Variants in SEMA6D observed in about 807,000 individuals in gnomAD.
SEMA6D encodes semaphorin 6D.
Under a neutral mutation model 106.6 loss-of-function variants are expected in SEMA6D, and 35 were observed. The observed-to-expected ratio is 0.33, with a 90% CI of 0.25 to 0.44. The LOEUF is 0.44. Ranked by LOEUF, SEMA6D falls within the 20% of genes least tolerant of loss-of-function variation. The probability of loss-of-function intolerance (pLI) is 1.00; values close to 1 mark genes in which losing one functional copy is unlikely to be tolerated. For synonymous variants in SEMA6D, 499 were observed against 487.7 expected (o/e 1.02, Z -0.31); for missense variants, 1,185 against 1,345.9 (o/e 0.88, Z 1.87).
Position 47,761,769 on chromosome 15 carries a change from A to C in SEMA6D, c.538+18A>C, listed in dbSNP as rs1173403418. The stretch of plus-strand genomic sequence containing the variant: ...CTTTGCTGGTAAGATCCTTTAGCGT[A>C]ATGAATATAAATGATTAATGACATT... On this transcript the variant is annotated intron_variant, in intron 7 of 18. Transcript: ENST00000536845. The C allele has an allele frequency of 6.5e-7, 1 of 1,545,208 alleles. No homozygotes were observed. Among genetic ancestry groups the C allele is most frequent in the Non-Finnish European group, 8.8e-7 (1 of 1,132,082 alleles).
intron 1 of SEMA6D, among the ~76,000 whole-genome samples, chr15:47,332,766 C>A (rs1036966342): frequency 6.6e-6 from 1 of 152,164 alleles, no homozygotes; most frequent in Non-Finnish European, 1.5e-5. Context: ...ACAAGATAAT[C>A]ATGCTTTTTG....
At chr15:47,203,095 C>G (rs1894827976) in intron 1 of SEMA6D, among the ~76,000 whole-genome samples, 1 of 152,024 alleles carries the variant, frequency 6.6e-6, no homozygotes, top group African/African-American at 2.4e-5. Flanking sequence ...TTTTCTGGAC[C>G]TGCCTGTTTG....
At chr15:47,198,696 C>T (rs1383488281) in intron 1 of SEMA6D, among the ~76,000 whole-genome samples, 5 of 151,986 alleles carry the variant, frequency 3.3e-5, no homozygotes, top group Admixed American at 6.6e-5. Context: ...GGGAGGATAA[C>T]GGTTAATTAG....
intron 1 of SEMA6D, among the ~76,000 whole-genome samples, chr15:47,393,042 G>T (rs916837096): frequency 1.3e-5 from 2 of 152,168 alleles, no homozygotes; most frequent in African/African-American, 4.8e-5. Context: ...AAATGGCTTC[G>T]CCAGTCCCAA....
At chr15:47,217,302 A>G (rs977459119) in intron 1 of SEMA6D, among the ~76,000 whole-genome samples, 2 of 152,210 alleles carry the variant, frequency 1.3e-5, no homozygotes, top group African/African-American at 2.4e-5. Flanking sequence ...TTGTAGTACC[A>G]TTAACCCAAC....
chr15:47,711,650 C>G (rs1360938420), intron 4 of SEMA6D, among the ~76,000 whole-genome samples: 1 of 152,168 alleles, frequency 6.6e-6, no homozygotes, highest in African/African-American at 2.4e-5. Flanking sequence ...TCCTGTCCCC[C>G]AAACATACAC....
intron 3 of SEMA6D, among the ~76,000 whole-genome samples, chr15:47,598,784 T>C (rs1046636521): frequency 1.3e-5 from 2 of 152,100 alleles, no homozygotes; most frequent in African/African-American, 4.8e-5. Context: ...AAATAATGCT[T>C]AAGGCAGATC....
At chr15:47,736,257 C>T (rs963058028) in intron 1 of SEMA6D, among the ~76,000 whole-genome samples, 2 of 152,102 alleles carry the variant, frequency 1.3e-5, no homozygotes, top group Non-Finnish European at 2.9e-5. Context: ...ACTGTGTTTA[C>T]ATTTGTATTA....
intron 2 of SEMA6D, among the ~76,000 whole-genome samples, chr15:47,425,106 G>C (rs557598408): frequency 6.6e-6 from 1 of 152,016 alleles, no homozygotes; most frequent in Non-Finnish European, 1.5e-5. Context: ...GCCATCTCCC[G>C]GAGCTTCCCT....
At chr15:47,322,267 C>T (rs953048148) in intron 1 of SEMA6D, among the ~76,000 whole-genome samples, 2 of 150,502 alleles carry the variant, frequency 1.3e-5, no homozygotes, top group African/African-American at 4.9e-5. Flanking sequence ...ATCTTATTAG[C>T]GTTCACTAGT....
Position 47,764,070 on chromosome 15 carries a change from G to A in SEMA6D, c.965+3G>A, listed in dbSNP as rs745776645. 4.1e-5 allele frequency: 66 copies of A among 1,613,682 alleles called. No individual in the cohort carries two copies. Among genetic ancestry groups the A allele is most frequent in the Non-Finnish European group, 5.3e-5 (62 of 1,179,780 alleles). ...GTGTTTACCACGCAGCTCAATAGGT[G>A]AGAGCAGAACCCCGGCACTGCAAAG... On this transcript the variant is annotated splice_donor_region_variant and intron_variant, in intron 10 of 18. Coordinates refer to ENST00000536845, the MANE Select transcript of SEMA6D (RefSeq NM_001358351.3).
chr15:47,413,264 A>T (rs2040858548), intron 2 of SEMA6D, among the ~76,000 whole-genome samples: 1 of 152,212 alleles, frequency 6.6e-6, no homozygotes. Flanking sequence ...AAACATTTTC[A>T]ATATAAAGTA....
At chr15:47,760,033 A>T in intron 2 of SEMA6D, 126 bp downstream of exon 2, 1 of 755,126 alleles carries the variant, frequency 1.3e-6, no homozygotes, top group Non-Finnish European at 2.2e-6. Flanking sequence ...TTTGCATCTG[A>T]GTTTATCAGT....
chr15:47,220,344 G>A (rs1038881675), intron 1 of SEMA6D, among the ~76,000 whole-genome samples: 2 of 152,152 alleles, frequency 1.3e-5, no homozygotes, highest in African/African-American at 4.8e-5. Flanking sequence ...GTTGTGGTGA[G>A]CTAGGTGATT....
chr15:47,286,865 C>G (rs1464321590), intron 1 of SEMA6D, among the ~76,000 whole-genome samples: 2 of 152,136 alleles, frequency 1.3e-5, no homozygotes, highest in Admixed American at 6.5e-5. Context: ...GGCTGATACC[C>G]TATCTTCTGC....
At chr15:47,716,141 C>G (rs765385437), upstream of SEMA6D, among the ~76,000 whole-genome samples, 4 of 152,204 alleles carry the variant, frequency 2.6e-5, no homozygotes, top group Non-Finnish European at 5.9e-5. Context: ...GTTGCCAAAG[C>G]TGTTCTTTCC....
intron 1 of SEMA6D, among the ~76,000 whole-genome samples, chr15:47,327,383 T>C (rs2037173926): frequency 6.6e-6 from 1 of 152,228 alleles, no homozygotes. Context: ...TTTTCTAACT[T>C]TTTTTATTAA....
At chr15:47,447,985 G>T (rs1478499382) in intron 2 of SEMA6D, among the ~76,000 whole-genome samples, 4 of 152,130 alleles carry the variant, frequency 2.6e-5, no homozygotes, top group African/African-American at 9.7e-5. Context: ...CTTTATTGAT[G>T]GTTGTGGTAC....
At chr15:47,418,022 A>C (rs1567065562) in intron 2 of SEMA6D, among the ~76,000 whole-genome samples, 1 of 152,094 alleles carries the variant, frequency 6.6e-6, no homozygotes, top group Non-Finnish European at 1.5e-5. Context: ...TATATATTTT[A>C]TATGCCCATA....
Sources: gnomAD v4.1 joint callset for allele counts (sites outside exome capture counted in the v4.1 genomes callset) on GRCh38, gnomAD v4.1.1 for gene constraint, MANE v1.5 for transcripts, NCBI Gene and HGNC (gene_info 2026-07-23, HGNC 2026-07-21) for gene names.